DOCK1: variants seen among roughly 807,000 people sequenced by gnomAD.
DOCK1 encodes the protein dedicator of cytokinesis 1, also known as dedicator of cytokinesis protein 1.
Under a neutral mutation model 262.7 loss-of-function variants are expected in DOCK1, and 138 were observed. The ratio of observed to expected loss-of-function variants is 0.53; its 90% CI spans 0.46 to 0.61. The LOEUF (loss-of-function observed/expected upper bound fraction) is 0.61. DOCK1 is among the 20% of genes least tolerant of loss of function. The pLI is 0.00. For synonymous variants in DOCK1, 866 were observed against 867.4 expected, an observed-to-expected ratio of 1.00 and a Z score of 0.03; for missense variants, 1,908 against 2,370.7, an observed-to-expected ratio of 0.80 and a Z score of 4.05.
chr10:127,130,854 C>T (rs1331293462), intron 27 of DOCK1, among the ~76,000 whole-genome samples: 5 of 152,172 alleles, frequency 3.3e-5, no homozygotes, highest in Non-Finnish European at 7.3e-5. Flanking sequence ...CACAGGCACA[C>T]GATGCTGATG....
At chr10:127,320,879 C>T (rs1054983324) in intron 29 of DOCK1, among the ~76,000 whole-genome samples, 2 of 152,092 alleles carry the variant, frequency 1.3e-5, no homozygotes, top group African/African-American at 4.8e-5. Context: ...GATTCTTCTA[C>T]TGCAGGGAAG....
rs1462621666 is a variant in DOCK1 at position 126,995,991 on chromosome 10, T to C, written c.474-757T>C. Reference sequence around the variant, plus strand: ...TTTCTTCCCTCTCTCCTTCCTCAACTCTCTGATGATGTCACAACTGCCAGC... The same window carrying C: ...TTTCTTCCCTCTCTCCTTCCTCAACCCTCTGATGATGTCACAACTGCCAGC... On this transcript the variant is annotated intron_variant, in intron 6 of 51. Coordinates refer to ENST00000623213, the MANE Select transcript of DOCK1 (RefSeq NM_001290223.2). The surrounding 1 kb of genome is among the most constrained non-coding windows in gnomAD (Gnocchi z 5.8). Among the ~76,000 whole-genome samples the C allele has an allele frequency of 2.6e-5, 4 of 152,152 alleles. No homozygotes were observed. The highest frequency in any genetic ancestry group is 5.9e-5 in the Non-Finnish European group (4 of 68,028).
At position 127,024,803 on chromosome 10, in the gene DOCK1, T is replaced by G. The variant is rs922294229; in HGVS notation, c.1551+20T>G. On this transcript the variant is annotated intron_variant, in intron 15 of 51. Coordinates refer to ENST00000623213, the MANE Select transcript of DOCK1 (RefSeq NM_001290223.2). ...GTTAAGGTATTATTTACATGGTCAT[T>G]TTATCACATGGCGCTGATTATGAAA... The G allele has an allele frequency of 6.4e-7, 1 of 1,568,980 alleles. No homozygotes were observed. Among genetic ancestry groups the G allele is most frequent in the African/African-American group, 1.4e-5 (1 of 74,030 alleles).
chr10:127,112,771 A>G (rs1363374323), intron 25 of DOCK1, among the ~76,000 whole-genome samples: 1 of 152,230 alleles, frequency 6.6e-6, no homozygotes, highest in Non-Finnish European at 1.5e-5. Context: ...CCCCATCAGT[A>G]GAAGTTGTCT....
chr10:126,906,913 G>A (rs2030971548), intron 1 of DOCK1, among the ~76,000 whole-genome samples: 1 of 152,180 alleles, frequency 6.6e-6, no homozygotes, highest in African/African-American at 2.4e-5. Flanking sequence ...TCCACATGCT[G>A]GGAGGCATAG....
At chr10:126,947,271 G>C in intron 1 of DOCK1, among the ~76,000 whole-genome samples, 1 of 146,422 alleles carries the variant, frequency 6.8e-6, no homozygotes, top group East Asian at 2.4e-4. Flanking sequence ...TAGTACTACT[G>C]TTGGTGGTGA....
At chr10:127,171,488 G>A (rs1390802139) in intron 27 of DOCK1, among the ~76,000 whole-genome samples, 1 of 152,114 alleles carries the variant, frequency 6.6e-6, no homozygotes, top group African/African-American at 2.4e-5. Context: ...TGGAAATGTG[G>A]GGGCAAGATT....
chr10:127,065,521 T>C (rs893016277), intron 23 of DOCK1, among the ~76,000 whole-genome samples: 3 of 151,846 alleles, frequency 2.0e-5, no homozygotes, highest in Non-Finnish European at 4.4e-5. Flanking sequence ...TACAGATGCC[T>C]CTTGAAGACC....
chr10:127,108,512 A>G (rs576152723), intron 24 of DOCK1, among the ~76,000 whole-genome samples: 2 of 152,164 alleles, frequency 1.3e-5, no homozygotes, highest in South Asian at 4.1e-4. Context: ...GTTTGAACCC[A>G]GAGGCAGAAA....
chr10:127,286,125 G>A (rs1232267819), intron 29 of DOCK1, among the ~76,000 whole-genome samples: 3 of 152,020 alleles, frequency 2.0e-5, no homozygotes, highest in Admixed American at 6.6e-5. Context: ...GGCCTGAATC[G>A]TGTTCATTTC....
chr10:127,411,612 AG>A (rs1318088569), intron 43 of DOCK1, among the ~76,000 whole-genome samples: 1 of 152,112 alleles, frequency 6.6e-6, no homozygotes, highest in African/African-American at 2.4e-5. Flanking sequence ...AGGCTGAGGC[AG>A]GTAGATCAAA....
intron 1 of DOCK1, among the ~76,000 whole-genome samples, chr10:126,939,340 GTAC>G (rs1241403847): frequency 1.2e-4 from 18 of 152,152 alleles, no homozygotes; most frequent in African/African-American, 3.9e-4. Flanking sequence ...CAGTAGCTTT[GTAC>G]TAAATTTTGA....
At chr10:127,034,216 G>T (rs1335252246) in intron 18 of DOCK1, among the ~76,000 whole-genome samples, 1 of 152,152 alleles carries the variant, frequency 6.6e-6, no homozygotes, top group African/African-American at 2.4e-5. Flanking sequence ...GTACAGTTCT[G>T]TGTGACTGGG....
intron 15 of DOCK1, among the ~76,000 whole-genome samples, chr10:127,025,734 G>A (rs1264706178): frequency 6.6e-6 from 1 of 152,032 alleles, no homozygotes; most frequent in Non-Finnish European, 1.5e-5. Flanking sequence ...ACAGGCATGA[G>A]CCACCATGCC....
chr10:127,027,599 A>T (rs2042954828), intron 16 of DOCK1, among the ~76,000 whole-genome samples: 1 of 9,924 alleles, frequency 1.0e-4, no homozygotes, highest in South Asian at 5.6e-3. Flanking sequence ...AACAAAAAGC[A>T]AAACAAAAAA....
In DOCK1 at chr10:127,130,065, C is replaced by CTTTTTTTTTTTTTTTT. The variant is rs74721427; in HGVS notation, c.2847+2317_2847+2332dup. Among the ~76,000 whole-genome samples, 7 of 117,550 alleles carry CTTTTTTTTTTTTTTTT rather than the reference C, an allele frequency of 6.0e-5. 2 individuals carry two copies. The highest frequency in any genetic ancestry group is 2.8e-4 in the African/African-American group (7 of 25,376). 77.1% of individuals were successfully genotyped at this position (117,550 alleles called of 152,430 possible). On this transcript the variant is annotated intron_variant, in intron 27 of 51. Coordinates refer to ENST00000623213, the MANE Select transcript of DOCK1 (RefSeq NM_001290223.2). ...CAATCCTGCCTCCAGTTAGGGTCTTCTTTTTTTTTTTTTTTTTTTTTTTTT... is the reference window on the plus strand; with the variant it reads ...CAATCCTGCCTCCAGTTAGGGTCTTCTTTTTTTTTTTTTTTTTTTTTTTTTTTTTTTTTTTTTTTTT...
intron 26 of DOCK1, among the ~76,000 whole-genome samples, chr10:127,126,608 A>C (rs548429266): frequency 3.3e-4 from 51 of 152,286 alleles, no homozygotes; most frequent in African/African-American, 1.2e-3. Flanking sequence ...GTGCCAGCAC[A>C]TATGGAAAAG....
intron 29 of DOCK1, among the ~76,000 whole-genome samples, chr10:127,303,446 G>T (rs891029445): frequency 1.3e-5 from 2 of 152,110 alleles, no homozygotes; most frequent in African/African-American, 4.8e-5. Context: ...TAGTCAAAAA[G>T]AGTCTCTGTC....
chr10:127,202,071 C>T (rs1006447597), intron 27 of DOCK1, among the ~76,000 whole-genome samples: 7 of 152,166 alleles, frequency 4.6e-5, no homozygotes, highest in African/African-American at 9.6e-5. Context: ...GCCTGTAATC[C>T]GAGCATTTTG....
Sources: gnomAD v4.1 joint callset for allele counts (sites outside exome capture counted in the v4.1 genomes callset) on GRCh38, gnomAD v4.1.1 for gene constraint, Gnocchi (gnomAD v3.1) non-coding constraint, MANE v1.5 for transcripts, NCBI Gene and HGNC (gene_info 2026-07-23, HGNC 2026-07-21) for gene names.